Variants in GPATCH2 observed in about 807,000 individuals in gnomAD.
GPATCH2 encodes the protein G patch domain-containing protein 2.
A neutral mutation model predicts 58.0 loss-of-function variants in GPATCH2; 51 were observed. That is an observed-to-expected ratio of 0.88 (90% CI 0.70 to 1.11). The LOEUF is 1.11. Ranked by LOEUF, GPATCH2 falls within the 50% of genes most tolerant of loss-of-function variation. GPATCH2 has a pLI of 0.00. For synonymous variants in GPATCH2, 222 were observed against 218.5 expected (o/e 1.02, Z -0.14); for missense variants, 625 against 652.2 (o/e 0.96, Z 0.45).
At chr1:217,489,636 G>A (rs1385924363) in intron 8 of GPATCH2, among the ~76,000 whole-genome samples, 1 of 152,240 alleles carries the variant, frequency 6.6e-6, no homozygotes, top group Non-Finnish European at 1.5e-5. Flanking sequence ...GCCAAGGCAA[G>A]CAGATCACCT....
At chr1:217,572,854 T>C in intron 5 of GPATCH2, among the ~76,000 whole-genome samples, 1 of 152,166 alleles carries the variant, frequency 6.6e-6, no homozygotes, top group Admixed American at 6.6e-5. Flanking sequence ...AAAGCTACTT[T>C]TCTGGGTGAA....
intron 8 of GPATCH2, among the ~76,000 whole-genome samples, chr1:217,471,646 G>C (rs1660727227): frequency 6.6e-6 from 1 of 152,154 alleles, no homozygotes; most frequent in Non-Finnish European, 1.5e-5. Context: ...TTTCTAACTT[G>C]ATGGAAGAGG....
intron 8 of GPATCH2, among the ~76,000 whole-genome samples, chr1:217,465,282 A>G (rs1047474458): frequency 1.3e-5 from 2 of 152,202 alleles, no homozygotes. Context: ...AATTAAAAGG[A>G]AATTAAAAGA....
intron 5 of GPATCH2, among the ~76,000 whole-genome samples, chr1:217,537,041 T>C (rs1207386947): frequency 1.3e-5 from 2 of 152,192 alleles, no homozygotes; most frequent in Non-Finnish European, 2.9e-5. Flanking sequence ...CTTTAAGTCA[T>C]TGGACCTAGA....
chr1:217,445,646 T>C (rs1396803129), intron 9 of GPATCH2, among the ~76,000 whole-genome samples: 1 of 152,104 alleles, frequency 6.6e-6, no homozygotes. Context: ...AGCTATACAT[T>C]AAAAAAATCA....
At chr1:217,521,465 C>T (rs1663454954) in intron 5 of GPATCH2, among the ~76,000 whole-genome samples, 1 of 151,168 alleles carries the variant, frequency 6.6e-6, no homozygotes, top group Non-Finnish European at 1.5e-5. Flanking sequence ...GGAAAATCTT[C>T]AGCCAAGGAT....
At chr1:217,483,064 A>G (rs770020519) in intron 8 of GPATCH2, among the ~76,000 whole-genome samples, 5 of 152,196 alleles carry the variant, frequency 3.3e-5, no homozygotes, top group Non-Finnish European at 5.9e-5. Context: ...GTATGGATAT[A>G]CCAACATTGT....
At chr1:217,483,588 G>C (rs1661315040) in intron 8 of GPATCH2, among the ~76,000 whole-genome samples, 1 of 152,192 alleles carries the variant, frequency 6.6e-6, no homozygotes, top group Non-Finnish European at 1.5e-5. Context: ...GGAATGCATA[G>C]TAGGTCTATG....
chr1:217,484,997 T>C (rs1661393921), intron 8 of GPATCH2, among the ~76,000 whole-genome samples: 1 of 152,172 alleles, frequency 6.6e-6, no homozygotes, highest in Non-Finnish European at 1.5e-5. Flanking sequence ...CACATAAATA[T>C]ATTTACTATA....
intron 6 of GPATCH2, among the ~76,000 whole-genome samples, chr1:217,503,537 C>T (rs1662405434): frequency 6.6e-6 from 1 of 151,944 alleles, no homozygotes; most frequent in South Asian, 2.1e-4. Context: ...ATCTTTTCCT[C>T]TAAGTCTAAG....
At chr1:217,541,100 A>G (rs1664716600) in intron 5 of GPATCH2, among the ~76,000 whole-genome samples, 1 of 152,194 alleles carries the variant, frequency 6.6e-6, no homozygotes, top group Non-Finnish European at 1.5e-5. Flanking sequence ...TAGCTTCTGT[A>G]TTAAGTTCTT....
intron 8 of GPATCH2, among the ~76,000 whole-genome samples, chr1:217,471,605 G>C (rs1048306184): frequency 1.3e-5 from 2 of 152,124 alleles, no homozygotes; most frequent in Non-Finnish European, 2.9e-5. Flanking sequence ...AAAAACAAAC[G>C]TGTTCTGTAT....
Position 217,483,039 on chromosome 1 carries a change from G to A in GPATCH2, c.1277+8641C>T, listed in dbSNP as rs532994109. The stretch of plus-strand genomic sequence containing the variant: ...TCTTCATTCCTTTTTATTGGTGACT[G>A]AATTGCTTTCCACTGTATGGATATA... On this transcript the variant is annotated intron_variant, in intron 8 of 9. Transcript: ENST00000366935. Among the ~76,000 whole-genome samples, 152 of 152,260 alleles carry A rather than the reference G, an allele frequency of 1.0e-3. 1 individual carries two copies. In the Middle Eastern group the frequency reaches 0.01, roughly 10 times the overall value.
intron 5 of GPATCH2, among the ~76,000 whole-genome samples, chr1:217,553,581 T>G (rs1665462630): frequency 1.3e-5 from 2 of 152,126 alleles, no homozygotes; most frequent in Admixed American, 1.3e-4. Flanking sequence ...AAGTAATATT[T>G]TAAGAAAAAA....
chr1:217,450,020 T>C (rs1440497581), intron 8 of GPATCH2, among the ~76,000 whole-genome samples: 1 of 152,146 alleles, frequency 6.6e-6, no homozygotes, highest in African/African-American at 2.4e-5. Context: ...TATAATTAGA[T>C]TCTTCTGTCT....
chr1:217,599,518 G>C (rs1330933483), intron 5 of GPATCH2, among the ~76,000 whole-genome samples: 1 of 152,172 alleles, frequency 6.6e-6, no homozygotes, highest in Non-Finnish European at 1.5e-5. Flanking sequence ...ATGTTACACT[G>C]AAGGACCAAA....
intron 5 of GPATCH2, among the ~76,000 whole-genome samples, chr1:217,568,414 A>G (rs1436163746): frequency 6.6e-6 from 1 of 152,174 alleles, no homozygotes; most frequent in South Asian, 2.1e-4. Flanking sequence ...GCTTTCACGG[A>G]GCCTATATTC....
chr1:217,615,939 C>G (rs954697883), intron 2 of GPATCH2, among the ~76,000 whole-genome samples: 4 of 152,070 alleles, frequency 2.6e-5, no homozygotes, highest in African/African-American at 9.7e-5. Flanking sequence ...ATTCTACATA[C>G]AGCCAGGTTC....
chr1:217,553,706 T>C (rs557834038), intron 5 of GPATCH2, among the ~76,000 whole-genome samples: 1 of 152,302 alleles, frequency 6.6e-6, no homozygotes, highest in East Asian at 1.9e-4. Context: ...AAGCCTCACA[T>C]GATTCAAGGT....
Sources: gnomAD v4.1 joint callset for allele counts (sites outside exome capture counted in the v4.1 genomes callset) on GRCh38, gnomAD v4.1.1 for gene constraint, MANE v1.5 for transcripts, NCBI Gene and HGNC (gene_info 2026-07-23, HGNC 2026-07-21) for gene names.